The following LUZP2 variants were observed in gnomAD, a reference collection of about 807,000 sequenced individuals.
The protein encoded by LUZP2 is leucine zipper protein 2.
LUZP2 carries 52 observed loss-of-function variants against 51.6 expected under a neutral mutation model. The ratio of observed to expected loss-of-function variants is 1.01; its 90% CI spans 0.81 to 1.27. The LOEUF is 1.27. LUZP2 is among the 50% of genes most tolerant of loss of function. The pLI is 0.00. For synonymous variants in LUZP2, 154 were observed against 137.3 expected, an observed-to-expected ratio of 1.12 and a Z score of -0.85; for missense variants, 436 against 395.4, an observed-to-expected ratio of 1.10 and a Z score of -0.87.
intron 9 of LUZP2, among the ~76,000 whole-genome samples, chr11:25,018,800 G>A (rs890805539): frequency 7.2e-5 from 11 of 151,788 alleles, no homozygotes; most frequent in Admixed American, 6.6e-4. Context: ...TAGAGGTGGG[G>A]TTTTGCCATG....
intron 1 of LUZP2, among the ~76,000 whole-genome samples, chr11:24,603,590 G>A (rs1282150839): frequency 6.9e-6 from 1 of 144,440 alleles, no homozygotes. Flanking sequence ...GATATAAAAG[G>A]GAAAAATTCA....
intron 1 of LUZP2, among the ~76,000 whole-genome samples, chr11:24,588,157 C>T (rs1159168268): frequency 6.6e-6 from 1 of 151,966 alleles, no homozygotes; most frequent in Admixed American, 6.6e-5. Context: ...TAGTCACTTA[C>T]TTTATCTTGA....
intron 1 of LUZP2, among the ~76,000 whole-genome samples, chr11:24,699,920 A>G (rs1039937619): frequency 1.3e-5 from 2 of 151,600 alleles, no homozygotes; most frequent in African/African-American, 4.8e-5. Flanking sequence ...GTAAGAGCCA[A>G]CAACAACAGA....
chr11:24,699,259 T>C (rs1435043189), intron 1 of LUZP2, among the ~76,000 whole-genome samples: 1 of 152,146 alleles, frequency 6.6e-6, no homozygotes, highest in East Asian at 1.9e-4. Flanking sequence ...TTTATGTTTG[T>C]TCTTGCTTCA....
intron 5 of LUZP2, among the ~76,000 whole-genome samples, chr11:24,886,433 A>T (rs1469575936): frequency 6.6e-6 from 1 of 152,138 alleles, no homozygotes; most frequent in African/African-American, 2.4e-5. Flanking sequence ...TTTTATTTCC[A>T]TGTAGCTAAG....
At chr11:24,949,592 G>A (rs1207959568) in intron 7 of LUZP2, among the ~76,000 whole-genome samples, 1 of 151,500 alleles carries the variant, frequency 6.6e-6, no homozygotes, top group Admixed American at 6.6e-5. Flanking sequence ...TCATGTCAGA[G>A]TAAACATTAT....
chr11:24,874,897 C>T (rs1852195728), intron 5 of LUZP2, among the ~76,000 whole-genome samples: 1 of 151,926 alleles, frequency 6.6e-6, no homozygotes, highest in Non-Finnish European at 1.5e-5. Flanking sequence ...TAGTTTTTTC[C>T]CAAAATAGCT....
chr11:24,520,632 G>T (rs1307241236), intron 1 of LUZP2, among the ~76,000 whole-genome samples: 1 of 152,162 alleles, frequency 6.6e-6, no homozygotes, highest in Non-Finnish European at 1.5e-5. Context: ...CTTTTTGGGG[G>T]CAGGAGAAGT....
At chr11:24,731,069 T>G (rs374186515) in intron 2 of LUZP2, among the ~76,000 whole-genome samples, 1 of 151,708 alleles carries the variant, frequency 6.6e-6, no homozygotes, top group African/African-American at 2.4e-5. Flanking sequence ...GTTTATTGAT[T>G]GCTTCCCAAT....
chr11:24,668,175 T>C (rs1339809586), intron 1 of LUZP2, among the ~76,000 whole-genome samples: 2 of 152,156 alleles, frequency 1.3e-5, no homozygotes, highest in Non-Finnish European at 2.9e-5. Flanking sequence ...ACAGAAAAAG[T>C]GTGGTTTTCT....
At chr11:25,078,202 T>A (rs1859371267) in intron 11 of LUZP2, among the ~76,000 whole-genome samples, 1 of 152,210 alleles carries the variant, frequency 6.6e-6, no homozygotes, top group African/African-American at 2.4e-5. Context: ...ACCAAAAATA[T>A]TGTATCATTG....
At chr11:24,812,919 C>T (rs1850062319) in intron 5 of LUZP2, among the ~76,000 whole-genome samples, 1 of 152,136 alleles carries the variant, frequency 6.6e-6, no homozygotes, top group Non-Finnish European at 1.5e-5. Context: ...AGATCTGGCT[C>T]CTTGGAAAAC....
chr11:25,056,459 A>G (rs957373853), intron 10 of LUZP2, among the ~76,000 whole-genome samples: 2 of 152,134 alleles, frequency 1.3e-5, no homozygotes. Flanking sequence ...GTAAATAGAT[A>G]AGAAAGATTA....
At chr11:25,020,705 A>C (rs1010066967) in intron 9 of LUZP2, among the ~76,000 whole-genome samples, 1 of 152,050 alleles carries the variant, frequency 6.6e-6, no homozygotes, top group African/African-American at 2.4e-5. Context: ...GAGTAATTTG[A>C]ATTCTCAGAT....
intron 9 of LUZP2, among the ~76,000 whole-genome samples, chr11:25,006,767 C>T (rs1856845645): frequency 6.6e-6 from 1 of 152,126 alleles, no homozygotes; most frequent in South Asian, 2.1e-4. Context: ...TCGCTAACTT[C>T]AAGAATGAAG....
intron 1 of LUZP2, among the ~76,000 whole-genome samples, chr11:24,546,173 C>A (rs1186611091): frequency 2.6e-5 from 4 of 151,850 alleles, no homozygotes; most frequent in South Asian, 4.2e-4. Flanking sequence ...AGCTTAAGGA[C>A]CTTTTGGGCC....
At chr11:25,047,330 TA>T (rs1276278588) in intron 9 of LUZP2, among the ~76,000 whole-genome samples, 1 of 6,706 alleles carries the variant, frequency 1.5e-4, no homozygotes, top group Non-Finnish European at 4.3e-4. Flanking sequence ...GTATTGTTTT[TA>T]TTTTTTTTAT....
chr11:24,751,900 A>C (rs1423448156), intron 4 of LUZP2, among the ~76,000 whole-genome samples: 1 of 152,074 alleles, frequency 6.6e-6, no homozygotes, highest in Non-Finnish European at 1.5e-5. Flanking sequence ...TAACACATAG[A>C]AAAACAAAAC....
At chr11:24,784,808 A>G (rs185421016) in intron 5 of LUZP2, among the ~76,000 whole-genome samples, 26 of 152,162 alleles carry the variant, frequency 1.7e-4, no homozygotes, top group African/African-American at 5.8e-4. Context: ...CTAATGTATT[A>G]TTATTGATGG....
Sources: allele counts gnomAD v4.1 joint callset (sites outside exome capture counted in the v4.1 genomes callset), GRCh38; gene constraint gnomAD v4.1.1; transcripts MANE v1.5; gene names NCBI Gene and HGNC (gene_info 2026-07-23, HGNC 2026-07-21).